Variants in RANBP17 observed in about 807,000 individuals in gnomAD.
RANBP17 encodes the protein RAN binding protein 17.
RANBP17 carries 158 observed loss-of-function variants against 141.2 expected under a neutral mutation model. That is an observed-to-expected ratio of 1.12 (90% confidence interval 0.98 to 1.28). RANBP17 has a LOEUF of 1.28. RANBP17 is among the 50% of genes most tolerant of loss of function. The pLI, the probability that RANBP17 is intolerant of heterozygous loss-of-function variation, is 0.00. For synonymous variants in RANBP17, 430 were observed against 450.0 expected (o/e 0.96, Z 0.56); for missense variants, 1,438 against 1,290.7 (o/e 1.11, Z -1.75).
intron 5 of RANBP17, among the ~76,000 whole-genome samples, chr5:170,901,711 G>A (rs1317687127): frequency 6.6e-6 from 1 of 152,184 alleles, no homozygotes; most frequent in Non-Finnish European, 1.5e-5. Flanking sequence ...TGTAAGGCAG[G>A]CCTGGTGGTG....
At chr5:170,935,876 A>G (rs1386923677) in intron 12 of RANBP17, among the ~76,000 whole-genome samples, 2 of 152,192 alleles carry the variant, frequency 1.3e-5, no homozygotes, top group Non-Finnish European at 2.9e-5. Flanking sequence ...TTGTTCAGCT[A>G]TGCCCTGCCC....
chr5:171,167,170 A>G (rs1759759696), intron 14 of RANBP17, among the ~76,000 whole-genome samples: 1 of 152,210 alleles, frequency 6.6e-6, no homozygotes, highest in South Asian at 2.1e-4. Context: ...GCAGAACACA[A>G]CAGACCTGCC....
At chr5:170,877,637 C>T (rs752423631) in intron 1 of RANBP17, among the ~76,000 whole-genome samples, 2 of 152,306 alleles carry the variant, frequency 1.3e-5, no homozygotes, top group African/African-American at 4.8e-5. Flanking sequence ...CCCCATCCAT[C>T]TCCCTAACCT....
At chr5:170,913,147 G>A (rs1051007004) in intron 7 of RANBP17, among the ~76,000 whole-genome samples, 2 of 151,902 alleles carry the variant, frequency 1.3e-5, no homozygotes, top group Non-Finnish European at 2.9e-5. Flanking sequence ...TCAGATATGC[G>A]AGTCCTTCCA....
chr5:171,259,080 A>G (rs747198630), intron 24 of RANBP17, among the ~76,000 whole-genome samples: 13 of 152,252 alleles, frequency 8.5e-5, no homozygotes, highest in Admixed American at 2.6e-4. Context: ...ACATTTCTCA[A>G]AAGAAGATAT....
intron 16 of RANBP17, among the ~76,000 whole-genome samples, chr5:171,180,946 G>C (rs1760822949): frequency 6.6e-6 from 1 of 152,060 alleles, no homozygotes. Context: ...CCTATTAATG[G>C]CAGCATTCTT....
chr5:170,958,259 T>G (rs1024735850), intron 13 of RANBP17, among the ~76,000 whole-genome samples: 6 of 152,156 alleles, frequency 3.9e-5, no homozygotes, highest in Admixed American at 2.6e-4. Flanking sequence ...CTGGCCTCTT[T>G]GAGGAGCTGC....
chr5:171,199,956 G>A (rs146026939), intron 19 of RANBP17, among the ~76,000 whole-genome samples, 183 bp downstream of exon 19: 1 of 152,218 alleles, frequency 6.6e-6, no homozygotes, highest in East Asian at 1.9e-4. Context: ...AATGGACTTT[G>A]AGGTCAGCAA....
intron 14 of RANBP17, among the ~76,000 whole-genome samples, chr5:171,055,887 AAAAAAAAAAC>A (rs1448285409): frequency 7.1e-5 from 10 of 140,164 alleles, no homozygotes; most frequent in South Asian, 2.8e-4. Flanking sequence ...TGCCAAAAAA[AAAAAAAAAAC>A]AAAAAAAAAA....
At chr5:171,272,114 T>G (rs933775464) in intron 25 of RANBP17, among the ~76,000 whole-genome samples, 1 of 152,134 alleles carries the variant, frequency 6.6e-6, no homozygotes, top group African/African-American at 2.4e-5. Context: ...ATACAGCATG[T>G]TCTCACTTAC....
chr5:171,147,597 G>A (rs1385862208), intron 14 of RANBP17, among the ~76,000 whole-genome samples: 1 of 151,766 alleles, frequency 6.6e-6, no homozygotes, highest in Admixed American at 6.6e-5. Flanking sequence ...TGTATTTTTG[G>A]TAGAGATGGG....
chr5:171,149,085 A>G (rs886685355), intron 14 of RANBP17, among the ~76,000 whole-genome samples: 1 of 152,226 alleles, frequency 6.6e-6, no homozygotes, highest in African/African-American at 2.4e-5. Context: ...ACCACGTACA[A>G]GCTATCTAAC....
Position 171,293,976 on chromosome 5 carries a change from GAGA to G in RANBP17, c.3040_3042del (p.Lys1014del). ...TCTCCTGGGGCTCATCCTGCTCAATGAGAAGGTGAGTGTGATTGCAGGAAGTCA... is the reference window on the plus strand; with the variant it reads ...TCTCCTGGGGCTCATCCTGCTCAATGAGGTGAGTGTGATTGCAGGAAGTCA... On this transcript the variant is annotated inframe_deletion and splice_region_variant, in exon 26 of 28. Coordinates refer to ENST00000523189, the MANE Select transcript of RANBP17 (RefSeq NM_022897.5). 6.2e-7 allele frequency: 1 copy of G among 1,611,522 alleles called. No individual in the cohort carries two copies. The highest frequency in any genetic ancestry group is 1.1e-5 in the South Asian group (1 of 91,016).
chr5:170,868,240 C>T (rs1398621969), intron 1 of RANBP17, among the ~76,000 whole-genome samples: 1 of 151,530 alleles, frequency 6.6e-6, no homozygotes, highest in Non-Finnish European at 1.5e-5. Context: ...TGGATGCTGT[C>T]TGTTTTTGTG....
At chr5:170,902,722 G>A (rs1468587709) in intron 5 of RANBP17, among the ~76,000 whole-genome samples, 1 of 152,170 alleles carries the variant, frequency 6.6e-6, no homozygotes, top group Non-Finnish European at 1.5e-5. Flanking sequence ...TGTCCTTTTT[G>A]TTGGTGTTGA....
At chr5:171,110,647 C>T (rs1285036201) in intron 14 of RANBP17, among the ~76,000 whole-genome samples, 1 of 151,992 alleles carries the variant, frequency 6.6e-6, no homozygotes, top group Non-Finnish European at 1.5e-5. Context: ...TATACAGGAG[C>T]CTTGACAAGA....
intron 14 of RANBP17, among the ~76,000 whole-genome samples, chr5:170,990,843 A>G (rs894534388): frequency 1.3e-5 from 2 of 151,982 alleles, no homozygotes; most frequent in African/African-American, 4.8e-5. Context: ...AATGAAAGTA[A>G]TGTAGTAGTG....
At chr5:171,144,911 C>T (rs1757936731) in intron 14 of RANBP17, among the ~76,000 whole-genome samples, 2 of 152,160 alleles carry the variant, frequency 1.3e-5, no homozygotes. Flanking sequence ...CTTGAGTATT[C>T]TCGCTTGTGA....
chr5:171,228,095 A>G (rs1466522705), intron 22 of RANBP17, among the ~76,000 whole-genome samples: 1 of 152,224 alleles, frequency 6.6e-6, no homozygotes, highest in Non-Finnish European at 1.5e-5. Flanking sequence ...TTGACTTTCA[A>G]GTCGTATTAT....
Sources: allele counts gnomAD v4.1 joint callset (sites outside exome capture counted in the v4.1 genomes callset), GRCh38; gene constraint gnomAD v4.1.1; transcripts MANE v1.5; gene names NCBI Gene and HGNC (gene_info 2026-07-23, HGNC 2026-07-21).